Variants in TSKS observed in about 807,000 individuals in gnomAD.
The protein encoded by TSKS is testis-specific serine kinase substrate.
In TSKS, 27 loss-of-function variants were observed where a neutral mutation model predicts 68.0. The ratio of observed to expected loss-of-function variants is 0.40; its 90% CI spans 0.29 to 0.55. TSKS has a LOEUF of 0.55. TSKS is among the 20% of genes least tolerant of loss of function. TSKS has a pLI of 0.53. For missense variants in TSKS, 806 were observed against 776.0 expected (o/e 1.04, Z -0.46); for synonymous variants, 331 against 340.4 (o/e 0.97, Z 0.30).
In TSKS at chr19:49,748,368, T is replaced by C. The variant is rs2084320664; in HGVS notation, c.495+6A>G. 6.2e-7 allele frequency: 1 copy of C among 1,613,164 alleles called. No homozygotes were observed. Among genetic ancestry groups the C allele is most frequent in the Non-Finnish European group, 8.5e-7 (1 of 1,179,402 alleles). On this transcript the variant is annotated splice_donor_region_variant and intron_variant, in intron 3 of 10. Coordinates refer to ENST00000246801, the MANE Select transcript of TSKS (RefSeq NM_021733.2). The stretch of plus-strand genomic sequence containing the variant: ...GGCAGGTGTTGGATATAGGGGGTCC[T>C]CACACCTGCAGAGACTGCACGTGCT...
Position 49,744,264 on chromosome 19 carries a change from C to G in TSKS, c.1328G>C (p.Arg443Pro), listed in dbSNP as rs374085678. The change falls in exon 8 of 11, where the codon CGG (arginine) becomes CCG (proline). Residue 443 changes from arginine to proline, a missense_variant. Coordinates refer to ENST00000246801, the MANE Select transcript of TSKS (RefSeq NM_021733.2). Reference sequence around the variant, plus strand: ...GCGGGCACAGTTGCCTTGGTGGGACCGATCCAGGTTCATGGAGAGGTCAGG... The same window carrying G: ...GCGGGCACAGTTGCCTTGGTGGGACGGATCCAGGTTCATGGAGAGGTCAGG... ...RGPDLSMNLD[R>P]SHQGNCARCA... 1.2e-6 allele frequency: 2 copies of G among 1,613,780 alleles called. No individual in the cohort carries two copies. The highest frequency in any genetic ancestry group is 1.7e-5 in the Admixed American group (1 of 59,968).
At chr19:49,747,191 C>G in intron 5 of TSKS, 198 bp downstream of exon 5, 1 of 1,536,708 alleles carries the variant, frequency 6.5e-7, no homozygotes, top group East Asian at 2.4e-5. Context: ...AATGTGACTG[C>G]AGGGCAAGAG....
intron 4 of TSKS, among the ~76,000 whole-genome samples, 164 bp from the exon 5 acceptor site, chr19:49,747,636 C>A (rs1204714335): frequency 6.6e-6 from 1 of 152,218 alleles, no homozygotes; most frequent in African/African-American, 2.4e-5. Context: ...CCTCCTTAGC[C>A]AGATGTGCCA....
chr19:49,741,514 C>T (rs2084252013), intron 9 of TSKS, among the ~76,000 whole-genome samples: 2 of 152,174 alleles, frequency 1.3e-5, no homozygotes, highest in African/African-American at 4.8e-5. Flanking sequence ...CTCAATATAG[C>T]TGACCCCAAT....
chr19:49,749,934 A>AT lies in TSKS; in HGVS notation c.400-1466dup, dbSNP rs888860672. On this transcript the variant is annotated intron_variant, in intron 2 of 10. Transcript: ENST00000246801. ...CTCCTTTTTTCTCTCTCTTTTATTT[A>AT]TTTTTTTTTTTAGCCTACATCATTA... Among the ~76,000 whole-genome samples, 144 of 144,494 alleles carry AT rather than the reference A, an allele frequency of 1.0e-3. 2 individuals carry two copies. The highest frequency in any genetic ancestry group is 2.9e-3 in the African/African-American group (113 of 39,280). The allele number at this position is 144,494 out of a possible 152,430, so 94.8% of individuals were successfully genotyped here.
chr19:49,744,352 G>A lies in TSKS; in HGVS notation c.1240C>T (p.Leu414=), dbSNP rs751528535. ...VASLRSELEG[L]GPLKPILEEF... The stretch of plus-strand genomic sequence containing the variant: ...TCCAGAATGGGTTTCAGTGGGCCCA[G>A]CCCCTCCAGTTCGCTCCTCAGTGAA... Residue 414 remains leucine, a synonymous_variant, in exon 8 of 11, where the codon CTG becomes TTG. Coordinates refer to ENST00000246801, the MANE Select transcript of TSKS (RefSeq NM_021733.2). 3 of 1,613,932 alleles carry A rather than the reference G, an allele frequency of 1.9e-6. No individual in the cohort carries two copies. In the Admixed American group the frequency reaches 5.0e-5, roughly 27 times the overall value.
intron 8 of TSKS, among the ~76,000 whole-genome samples, chr19:49,742,767 G>A (rs1314400371): frequency 1.3e-5 from 2 of 152,114 alleles, no homozygotes; most frequent in East Asian, 3.9e-4. Flanking sequence ...AAAGTGCTGG[G>A]ATTACAGGCG....
chr19:49,746,399 TCTCCTCGAGGCTCCACCCC>T (rs2084300281), intron 6 of TSKS, 52 bp downstream of exon 6: 1 of 1,559,100 alleles, frequency 6.4e-7, no homozygotes, highest in African/African-American at 1.4e-5. Context: ...GCCCACCGCA[TCTCCTCGAGGCTCCACCCC>T]TGAGTCCCCG....
intron 2 of TSKS, among the ~76,000 whole-genome samples, chr19:49,758,040 G>GC (rs34743208): frequency 6.0e-5 from 9 of 150,784 alleles, no homozygotes; most frequent in African/African-American, 2.2e-4. Flanking sequence ...ACAGGCATGT[G>GC]CCCCCCTCTG....
At position 49,745,323 on chromosome 19, in the gene TSKS, C is replaced by T. The variant is rs757364715; in HGVS notation, c.1066G>A (p.Gly356Arg). The change falls in exon 7 of 11, where the codon GGG becomes AGG. Residue 356 changes from glycine (G) to arginine (R), a missense_variant. Gly to Arg is a moderately radical substitution (Grantham distance 125). Coordinates refer to ENST00000246801, the MANE Select transcript of TSKS (RefSeq NM_021733.2). The stretch of plus-strand genomic sequence containing the variant: ...CCGTCGACCCTGCCGCCCAGGCCCC[C>T]GAGCAGCCGCAGGGCTTCCTGCACC... ...GAVQEALRLL[G>R]GLGGRVDGFL... is the part of the protein sequence containing the mutation. 31 of 1,602,272 alleles carry T rather than the reference C, an allele frequency of 1.9e-5. No individual in the cohort carries two copies. Among genetic ancestry groups the T allele is most frequent in the African/African-American group, 2.7e-5 (2 of 74,866 alleles).
At position 49,762,026 on chromosome 19, in the gene TSKS, T is replaced by C; in HGVS notation, c.377A>G (p.Asp126Gly). 1.2e-6 allele frequency: 2 copies of C among 1,613,920 alleles called. No homozygotes were observed. The highest frequency in any genetic ancestry group is 1.3e-5 in the African/African-American group (1 of 75,036). The change falls in exon 2 of 11, where the codon GAC becomes GGC. Residue 126 changes from aspartate to glycine, a missense_variant. Physicochemically the swap from Asp to Gly is moderately conservative, Grantham distance 94. Transcript: ENST00000246801. Reference sequence around the variant, plus strand: ...CACCAGGATTTCCGTGATGTCTGCGTCATCCGGATCCCAGGGTAGGGTAGG... The same window carrying C: ...CACCAGGATTTCCGTGATGTCTGCGCCATCCGGATCCCAGGGTAGGGTAGG... The part of the protein sequence containing the change: ...ASPTLPWDPD[D>G]ADITEILSGV...
rs189914572 is a variant in TSKS, at chr19:49,759,870, G to A, written c.399+2134C>T. ...AATAAAATAAAAAGAAAGAAAAAGAGAGGCCAGGTGCGGTGGTTCATGCCC... is the reference window on the plus strand; with the variant it reads ...AATAAAATAAAAAGAAAGAAAAAGAAAGGCCAGGTGCGGTGGTTCATGCCC... On this transcript the variant is annotated intron_variant, in intron 2 of 10. Coordinates refer to ENST00000246801, the MANE Select transcript of TSKS (RefSeq NM_021733.2). 4.2e-4 allele frequency among the ~76,000 whole-genome samples: 64 copies of A among 151,720 alleles called. 3 individuals are homozygous for A. The East Asian group carries it at 0.011, about 25-fold the overall frequency.
At chr19:49,752,993 TTTG>T (rs1029553290) in intron 2 of TSKS, among the ~76,000 whole-genome samples, 3 of 152,270 alleles carry the variant, frequency 2.0e-5, no homozygotes, top group Non-Finnish European at 2.9e-5. Flanking sequence ...ACTAGAAGAT[TTTG>T]TTGTTGTTCC....
intron 9 of TSKS, 49 bp downstream of exon 9, chr19:49,741,835 GC>G: frequency 1.9e-6 from 3 of 1,612,168 alleles, no homozygotes; most frequent in Non-Finnish European, 2.5e-6. Context: ...CCCTCCCCTT[GC>G]CCCAACAGAA....
At position 49,739,789 on chromosome 19, in the gene TSKS, G is replaced by A. The variant is rs976268801; in HGVS notation, c.1766C>T (p.Ala589Val). 5.4e-6 allele frequency: 8 copies of A among 1,486,996 alleles called. No homozygotes were observed. The highest frequency in any genetic ancestry group is 7.5e-6 in the Non-Finnish European group (8 of 1,068,906). 92.1% of individuals were successfully genotyped at this position (1,486,996 alleles called of 1,614,324 possible). ...ATGAGAGGCCATTTATTGTTCAGGG[G>A]CTGAGCCCCCCTGTTTTGGGGGGGT... ...AGTPPKQGGS[A>V]PEQ Residue 589 changes from alanine (A) to valine (V), a missense_variant, in exon 11 of 11, where the codon GCC becomes GTC. Physicochemically the swap from Ala to Val is moderately conservative, Grantham distance 64. Coordinates refer to ENST00000246801, the MANE Select transcript of TSKS (RefSeq NM_021733.2).
chr19:49,745,207 G>A lies in TSKS; in HGVS notation c.1182C>T (p.Cys394=). The stretch of plus-strand genomic sequence containing the variant: ...GCACTGGCCCCAATCCTCACATGGT[G>A]CACAGCTCATCCGCCCGACCTCGCA... The part of the protein sequence containing the change: ...QELRGRADEL[C]TMVERSAVSV... Residue 394 remains cysteine, a synonymous_variant, in exon 7 of 11, where the codon TGC becomes TGT. Transcript: ENST00000246801. 6.3e-7 allele frequency: 1 copy of A among 1,597,186 alleles called. No homozygotes were observed. Among genetic ancestry groups the A allele is most frequent in the Non-Finnish European group, 8.5e-7 (1 of 1,171,956 alleles).
intron 2 of TSKS, among the ~76,000 whole-genome samples, chr19:49,757,334 C>T (rs1199750083): frequency 1.3e-5 from 2 of 152,186 alleles, no homozygotes; most frequent in Non-Finnish European, 2.9e-5. Context: ...TCGTGAGACG[C>T]CCTGAGCCAG....
In TSKS at chr19:49,746,515, C is replaced by T; in HGVS notation, c.947G>A (p.Ser316Asn). 1.2e-6 allele frequency: 2 copies of T among 1,613,926 alleles called. No individual in the cohort carries two copies. Among genetic ancestry groups the T allele is most frequent in the Non-Finnish European group, 1.7e-6 (2 of 1,179,960 alleles). The change falls in exon 6 of 11, where the codon AGC (serine) becomes AAC (asparagine). Residue 316 changes from serine (S) to asparagine (N), a missense_variant. Transcript: ENST00000246801. The part of the protein sequence containing the change: ...GPRAGEGPYV[S>N]EQELQKLFTG... ...GAACAGCTTCTGCAATTCCTGCTCGCTCACGTAGGGGCCCTCGCCAGCCCG... is the reference window on the plus strand; with the variant it reads ...GAACAGCTTCTGCAATTCCTGCTCGTTCACGTAGGGGCCCTCGCCAGCCCG...
chr19:49,762,425 C>CT lies in TSKS; in HGVS notation c.171-194dup, dbSNP rs34463626. On this transcript the variant is annotated intron_variant, in intron 1 of 10. Transcript: ENST00000246801. ...TACTTTCTTTCTTTTTTCTTTCTTT[C>CT]TTTTTTTTTTTTTTTTGAGACAGAG... Among the ~76,000 whole-genome samples the CT allele has an allele frequency of 6.5e-3, 826 of 127,186 alleles. 4 individuals carry two copies. Among genetic ancestry groups the CT allele is most frequent in the Non-Finnish European group, 9.8e-3 (572 of 58,246 alleles). 83.4% of individuals were successfully genotyped at this position (127,186 alleles called of 152,430 possible).
Sources: allele counts gnomAD v4.1 joint callset (sites outside exome capture counted in the v4.1 genomes callset), GRCh38; gene constraint gnomAD v4.1.1; transcripts MANE v1.5; gene names NCBI Gene and HGNC (gene_info 2026-07-23, HGNC 2026-07-21).